Variants in ARHGEF18 observed in about 807,000 individuals in gnomAD.
ARHGEF18 encodes Rho/Rac guanine nucleotide exchange factor 18, also known as rho guanine nucleotide exchange factor 18.
Under a neutral mutation model 155.7 loss-of-function variants are expected in ARHGEF18, and 93 were observed. The ratio of observed to expected loss-of-function variants is 0.60; its 90% CI spans 0.50 to 0.71. ARHGEF18 has a LOEUF of 0.71. Ranked by LOEUF, ARHGEF18 falls within the 30% of genes least tolerant of loss-of-function variation. The pLI, the probability that ARHGEF18 is intolerant of heterozygous loss-of-function variation, is 0.00. For missense variants in ARHGEF18, 1,593 were observed against 1,816.1 expected, an observed-to-expected ratio of 0.88 and a Z score of 2.23; for synonymous variants, 742 against 753.1, an observed-to-expected ratio of 0.99 and a Z score of 0.24.
chr19:7,373,136 G>T, intron 3 of ARHGEF18, 65 bp downstream of exon 3: 1 of 1,232,994 alleles, frequency 8.1e-7, no homozygotes. Flanking sequence ...GGTCCAGAAG[G>T]CCAGAGCCAG....
At chr19:7,390,621 C>T (rs1971349803) in intron 10 of ARHGEF18, 1 of 152,022 alleles carries the variant, frequency 6.6e-6, no homozygotes, top group Non-Finnish European at 1.5e-5. Context: ...CTTGTATCAT[C>T]ATCATCATCC....
At chr19:7,434,715 A>G (rs1411190559) in intron 10 of ARHGEF18, among the ~76,000 whole-genome samples, 1 of 152,208 alleles carries the variant, frequency 6.6e-6, no homozygotes, top group Non-Finnish European at 1.5e-5. Context: ...TTCCCACCAT[A>G]TGTTGAGCTG....
At chr19:7,357,542 G>T (rs776543742) in intron 1 of ARHGEF18, among the ~76,000 whole-genome samples, 26 of 152,174 alleles carry the variant, frequency 1.7e-4, no homozygotes, top group Admixed American at 5.2e-4. Flanking sequence ...AAGCATGGGG[G>T]TGGGGAGCAG....
chr19:7,477,206 G>A (rs758288493), downstream of ARHGEF18: 2 of 1,494,698 alleles, frequency 1.3e-6, no homozygotes, highest in Admixed American at 5.1e-5. Flanking sequence ...GCAGTGTCAG[G>A]GGGTAGTGGC....
At chr19:7,445,988 C>T (rs142832928) in intron 14 of ARHGEF18, among the ~76,000 whole-genome samples, 1 of 152,240 alleles carries the variant, frequency 6.6e-6, no homozygotes, top group Admixed American at 6.6e-5. Flanking sequence ...GGAAGTTGTA[C>T]AGCATCTGTG....
At chr19:7,407,728 C>T (rs1361449638) in intron 10 of ARHGEF18, among the ~76,000 whole-genome samples, 1 of 151,836 alleles carries the variant, frequency 6.6e-6, no homozygotes, top group Non-Finnish European at 1.5e-5. Context: ...AGGTAGAGGC[C>T]GAGACGGGCG....
chr19:7,362,020 AAGG>A (rs1488199740), intron 1 of ARHGEF18, among the ~76,000 whole-genome samples: 1,263 of 39,120 alleles, frequency 0.032, 103 homozygotes, highest in African/African-American at 0.14. Context: ...GAAGAAGGAG[AAGG>A]AGAAGGAGAA....
At position 7,373,089 on chromosome 19, in the gene ARHGEF18, G is replaced by T; in HGVS notation, c.275+18G>T. 1 of 1,234,444 alleles carries T rather than the reference G, an allele frequency of 8.1e-7. No homozygotes were observed. The allele number at this position is 1,234,444 out of a possible 1,614,324, so 76.5% of individuals were successfully genotyped here. On this transcript the variant is annotated intron_variant, in intron 3 of 28. Transcript: ENST00000668164. ...TGGCGGAGGTCAGTTCCCCACTGCT[G>T]CCTGCTTCCCACAATGCACCCCTGG...
At position 7,417,514 on chromosome 19, in the gene ARHGEF18, A is replaced by G. The variant is rs1226323466; in HGVS notation, c.968-22830A>G. Among the ~76,000 whole-genome samples the G allele has an allele frequency of 2.6e-5, 4 of 152,320 alleles. No homozygotes were observed. The East Asian group carries it at 7.7e-4, about 29-fold the overall frequency. On this transcript the variant is annotated intron_variant, in intron 10 of 28. Coordinates refer to ENST00000668164, the MANE Select transcript of ARHGEF18 (RefSeq NM_001367823.1). ...GGAGTTGGAGAGCAGCCTGGCCAACATGGCAAAACCCCATCTCTACTAAAA... is the reference window on the plus strand; with the variant it reads ...GGAGTTGGAGAGCAGCCTGGCCAACGTGGCAAAACCCCATCTCTACTAAAA...
At chr19:7,381,117 G>A in intron 8 of ARHGEF18, 123 bp downstream of exon 8, 1 of 686,220 alleles carries the variant, frequency 1.5e-6, no homozygotes. Flanking sequence ...CAGGGCAATG[G>A]TGGGAGCTGG....
chr19:7,467,017 G>A (rs1323124620), intron 24 of ARHGEF18, 43 bp downstream of exon 24: 2 of 1,612,574 alleles, frequency 1.2e-6, no homozygotes, highest in East Asian at 4.5e-5. Flanking sequence ...CCTTGTGCAC[G>A]CGCGTGTGGC....
At chr19:7,461,671 G>T (rs574455709) in intron 20 of ARHGEF18, among the ~76,000 whole-genome samples, 29 of 152,302 alleles carry the variant, frequency 1.9e-4, no homozygotes, top group African/African-American at 6.7e-4. Context: ...TACTGTGTTT[G>T]ATTTTATTTT....
intron 15 of ARHGEF18, 60 bp downstream of exon 15, chr19:7,447,228 C>T (rs1224700171): frequency 1.0e-5 from 15 of 1,488,472 alleles, no homozygotes; most frequent in Middle Eastern, 2.4e-4. Context: ...CAGTGGCTCA[C>T]GCCTGTAATC....
chr19:7,477,133 G>A, downstream of ARHGEF18: 1 of 1,346,948 alleles, frequency 7.4e-7, no homozygotes, highest in South Asian at 1.7e-5. Flanking sequence ...CCCCTGCCCT[G>A]GCGGCTTCTG....
intron 16 of ARHGEF18, among the ~76,000 whole-genome samples, chr19:7,452,057 G>A (rs1013557559): frequency 3.9e-5 from 6 of 152,154 alleles, no homozygotes; most frequent in Non-Finnish European, 5.9e-5. Context: ...AAGAAAGATG[G>A]GGTGGTCAGC....
rs369980627 is a variant in ARHGEF18, at chr19:7,462,429, C to A, written c.2635+95C>A. The A allele has an allele frequency of 6.6e-6, 9 of 1,367,648 alleles. No individual in the cohort carries two copies. The highest frequency in any genetic ancestry group is 1.5e-5 in the South Asian group (1 of 67,094). 84.7% of individuals were successfully genotyped at this position (1,367,648 alleles called of 1,614,324 possible). On this transcript the variant is annotated intron_variant, in intron 21 of 28. Coordinates refer to ENST00000668164, the MANE Select transcript of ARHGEF18 (RefSeq NM_001367823.1). This position sits in a 1 kb window ranked among gnomAD's most constrained non-coding sequence, Gnocchi z 4.4. The stretch of plus-strand genomic sequence containing the variant: ...GGCTCACGGCTCATTGTGGCCGACA[C>A]GGCACCCTGTCCAGGACAGGCTTCT...
chr19:7,450,154 T>A (rs1975272641), intron 15 of ARHGEF18, among the ~76,000 whole-genome samples: 1 of 151,612 alleles, frequency 6.6e-6, no homozygotes, highest in African/African-American at 2.4e-5. Flanking sequence ...AGGATCTTGC[T>A]GTCCATTTCC....
In ARHGEF18 at chr19:7,451,256, G is replaced by T. The variant is rs1235603070; in HGVS notation, c.1845G>T (p.Gln615His). 1.2e-6 allele frequency: 2 copies of T among 1,613,156 alleles called. No individual in the cohort carries two copies. The highest frequency in any genetic ancestry group is 1.3e-5 in the African/African-American group (1 of 74,670). ...KYPVLVERII[Q>H]NTEAGTEDYE... ...CAGTGCTGGTGGAGCGCATCATCCA[G>T]AACACGGAAGGTAGGCCTTCTCCCC... The change falls in exon 16 of 29, where the codon CAG becomes CAT. Residue 615 changes from glutamine (Q) to histidine (H), a missense_variant. Coordinates refer to ENST00000668164, the MANE Select transcript of ARHGEF18 (RefSeq NM_001367823.1).
Position 7,456,355 on chromosome 19 carries a change from A to G in ARHGEF18, c.2133A>G (p.Val711=). 6.2e-7 allele frequency: 1 copy of G among 1,614,168 alleles called. No individual in the cohort carries two copies. The highest frequency in any genetic ancestry group is 8.5e-7 in the Non-Finnish European group (1 of 1,180,010). The change falls in exon 18 of 29, where the codon GTA becomes GTG. Residue 711 remains valine, a synonymous_variant. Transcript: ENST00000668164. ...TCCTGGCTATCCTGCTGACCGACGT[A>G]CTTTTGCTGCTACAAGAAAAAGATC... ...KDILAILLTD[V]LLLLQEKDQK...
Sources: gnomAD v4.1 joint callset for allele counts (sites outside exome capture counted in the v4.1 genomes callset) on GRCh38, gnomAD v4.1.1 for gene constraint, Gnocchi (gnomAD v3.1) non-coding constraint, MANE v1.5 for transcripts, NCBI Gene and HGNC (gene_info 2026-07-23, HGNC 2026-07-21) for gene names.